The following CKAP5 variants were observed in gnomAD, a reference collection of about 807,000 sequenced individuals.
CKAP5 encodes cytoskeleton-associated protein 5.
Under a neutral mutation model 232.8 loss-of-function variants are expected in CKAP5, and 27 were observed. The observed-to-expected ratio is 0.12, with a 90% confidence interval of 0.09 to 0.16. The LOEUF (loss-of-function observed/expected upper bound fraction) is 0.16, where lower values mean the gene tolerates loss of function less well. Ranked by LOEUF, CKAP5 falls within the 10% of genes least tolerant of loss-of-function variation. CKAP5 has a pLI of 1.00. For synonymous variants in CKAP5, 785 were observed against 841.1 expected (o/e 0.93, Z 1.16); for missense variants, 1,838 against 2,424.7 (o/e 0.76, Z 5.08).
intron 31 of CKAP5, 175 bp downstream of exon 31, chr11:46,762,452 A>G: frequency 1.1e-6 from 1 of 915,548 alleles, no homozygotes; most frequent in Admixed American, 1.7e-5. Context: ...TGGTGCCTGT[A>G]TCACCTGATA....
At chr11:46,838,576 T>C (rs1939969208) in intron 1 of CKAP5, among the ~76,000 whole-genome samples, 1 of 125,596 alleles carries the variant, frequency 8.0e-6, no homozygotes, top group African/African-American at 3.1e-5. Context: ...AGTCCAAGAG[T>C]TCAAGACCAT....
At position 46,808,151 on chromosome 11, in the gene CKAP5, G is replaced by C; in HGVS notation, c.865-7C>G. ...CTTGCCATTTTTTTGCCTCCTGCAAGATACAATATGAGTCATTTGTAACAG... is the reference window on the plus strand; with the variant it reads ...CTTGCCATTTTTTTGCCTCCTGCAACATACAATATGAGTCATTTGTAACAG... On this transcript the variant is annotated splice_polypyrimidine_tract_variant and splice_region_variant and intron_variant, in intron 7 of 43. Transcript: ENST00000529230. The C allele has an allele frequency of 6.6e-7, 1 of 1,522,376 alleles. No homozygotes were observed. The highest frequency in any genetic ancestry group is 1.1e-5 in the South Asian group (1 of 88,570). 94.3% of individuals were successfully genotyped at this position (1,522,376 alleles called of 1,614,324 possible). A position where few individuals can be genotyped will look rare whatever the true frequency, so the allele number is the denominator to read the frequency against.
At chr11:46,779,034 A>G (rs1484028505) in intron 20 of CKAP5, among the ~76,000 whole-genome samples, 1 of 152,184 alleles carries the variant, frequency 6.6e-6, no homozygotes, top group African/African-American at 2.4e-5. Context: ...AAGCCCAGGA[A>G]GCGCCATTGT....
At chr11:46,805,226 C>G (rs1592470251) in intron 8 of CKAP5, among the ~76,000 whole-genome samples, 1 of 151,800 alleles carries the variant, frequency 6.6e-6, no homozygotes, top group Non-Finnish European at 1.5e-5. Context: ...CAAAGCGCAA[C>G]TCTGTCTCAA....
At chr11:46,755,178 A>T (rs1225331118) in intron 35 of CKAP5, 111 bp from the exon 36 acceptor site, 1 of 683,010 alleles carries the variant, frequency 1.5e-6, no homozygotes, top group African/African-American at 1.9e-5. Flanking sequence ...GTACTTCTAA[A>T]GTCTTACCTT....
intron 17 of CKAP5, 70 bp from the exon 18 acceptor site, chr11:46,783,438 G>T: frequency 1.1e-6 from 1 of 950,364 alleles, no homozygotes; most frequent in Non-Finnish European, 1.6e-6. Flanking sequence ...ATGACATTAA[G>T]GCAGATGTGC....
intron 8 of CKAP5, among the ~76,000 whole-genome samples, chr11:46,804,036 C>G (rs1459925052): frequency 1.3e-5 from 2 of 152,070 alleles, no homozygotes; most frequent in African/African-American, 4.8e-5. Context: ...TTAAATGGCT[C>G]AAAGGGTGAT....
At chr11:46,822,381 A>C (rs1939553977) in intron 1 of CKAP5, among the ~76,000 whole-genome samples, 1 of 152,228 alleles carries the variant, frequency 6.6e-6, no homozygotes, top group South Asian at 2.1e-4. Context: ...TGAATTGCTG[A>C]GCTAAATGGC....
At chr11:46,753,008 G>C in intron 37 of CKAP5, 1 of 434,590 alleles carries the variant, frequency 2.3e-6, no homozygotes, top group Non-Finnish European at 4.0e-6. Flanking sequence ...AAACTTTACA[G>C]TCCTATTATA....
chr11:46,767,399 G>A (rs2065211400), intron 27 of CKAP5, among the ~76,000 whole-genome samples, 176 bp downstream of exon 27: 1 of 152,176 alleles, frequency 6.6e-6, no homozygotes, highest in Non-Finnish European at 1.5e-5. Flanking sequence ...AGAGCAGGAT[G>A]TCTCCGTTTT....
chr11:46,823,112 A>C lies in CKAP5; in HGVS notation c.-37-1844T>G, dbSNP rs192254658. 2.8e-3 allele frequency among the ~76,000 whole-genome samples: 420 copies of C among 152,184 alleles called. 2 individuals carry two copies. The highest frequency in any genetic ancestry group is 9.6e-3 in the African/African-American group (398 of 41,508). ...AGTAGCTAGGATTTGGTGGGACTGCAGGTGTGCACCACCATGCTCGGCTAA... is the reference window on the plus strand; with the variant it reads ...AGTAGCTAGGATTTGGTGGGACTGCCGGTGTGCACCACCATGCTCGGCTAA... On this transcript the variant is annotated intron_variant, in intron 1 of 43. Coordinates refer to ENST00000529230, the MANE Select transcript of CKAP5 (RefSeq NM_001008938.4).
intron 8 of CKAP5, among the ~76,000 whole-genome samples, chr11:46,806,427 A>G (rs1284649470): frequency 6.6e-6 from 1 of 152,218 alleles, no homozygotes; most frequent in African/African-American, 2.4e-5. Context: ...AAGAATTGAC[A>G]GAGAATCTGT....
At chr11:46,761,438 G>A (rs1801161428) in intron 32 of CKAP5, among the ~76,000 whole-genome samples, 1 of 152,046 alleles carries the variant, frequency 6.6e-6, no homozygotes, top group South Asian at 2.1e-4. Flanking sequence ...TCTTCACTGG[G>A]TAGTAGTGAG....
In CKAP5 at chr11:46,743,667, A is replaced by G. The variant is rs777556423; in HGVS notation, c.*356T>C. On this transcript the variant is annotated 3_prime_UTR_variant, in exon 44 of 44. Coordinates refer to ENST00000529230, the MANE Select transcript of CKAP5 (RefSeq NM_001008938.4). Reference sequence around the variant, plus strand: ...CTCACAAACTGAAAGGAAAACTATTAAAGAGTTTCTAATATTAACTATTAA... The same window carrying G: ...CTCACAAACTGAAAGGAAAACTATTGAAGAGTTTCTAATATTAACTATTAA... 4 of 237,926 alleles carry G rather than the reference A, an allele frequency of 1.7e-5. No homozygotes were observed. Among genetic ancestry groups the G allele is most frequent in the Non-Finnish European group, 3.3e-5 (4 of 120,552 alleles). 14.7% of individuals were successfully genotyped at this position (237,926 alleles called of 1,614,324 possible).
In CKAP5 at chr11:46,759,133, C is replaced by T. The variant is rs1264833697; in HGVS notation, c.4569-90G>A. On this transcript the variant is annotated intron_variant, in intron 34 of 43. Coordinates refer to ENST00000529230, the MANE Select transcript of CKAP5 (RefSeq NM_001008938.4). ...ATACAATTCTCCACTAGGTCCAGGT[C>T]TTAGTTAACAACTGCTATCATTCAA... 2.6e-6 allele frequency: 4 copies of T among 1,533,956 alleles called. No homozygotes were observed. The East Asian group carries it at 9.0e-5, about 35-fold the overall frequency.
intron 27 of CKAP5, among the ~76,000 whole-genome samples, chr11:46,765,692 C>A (rs761645065): frequency 1.4e-5 from 2 of 147,522 alleles, no homozygotes; most frequent in African/African-American, 2.5e-5. Context: ...GCAATCTCCA[C>A]CTCCTAGGTT....
chr11:46,808,650 T>C (rs1285568392), intron 7 of CKAP5, among the ~76,000 whole-genome samples: 16 of 152,242 alleles, frequency 1.1e-4, no homozygotes, highest in Admixed American at 1.0e-3. Flanking sequence ...TAAGATGTTA[T>C]AACTAAAGTA....
At chr11:46,807,051 T>C (rs1373947071) in intron 8 of CKAP5, among the ~76,000 whole-genome samples, 1 of 152,184 alleles carries the variant, frequency 6.6e-6, no homozygotes, top group African/African-American at 2.4e-5. Flanking sequence ...GTGATGTACC[T>C]TAGGGAGAAA....
At chr11:46,754,394 T>G (rs1300959279) in intron 36 of CKAP5, among the ~76,000 whole-genome samples, 1 of 152,220 alleles carries the variant, frequency 6.6e-6, no homozygotes, top group Non-Finnish European at 1.5e-5. Flanking sequence ...TAGCCCCAGT[T>G]TAAGAAAGAA....
Sources: gnomAD v4.1 joint callset for allele counts (sites outside exome capture counted in the v4.1 genomes callset) on GRCh38, gnomAD v4.1.1 for gene constraint, MANE v1.5 for transcripts, NCBI Gene and HGNC (gene_info 2026-07-23, HGNC 2026-07-21) for gene names.